Variants in LGR4 observed in about 807,000 individuals in gnomAD.
LGR4 encodes the protein leucine-rich repeat-containing G protein-coupled receptor 4.
LGR4 carries 44 observed loss-of-function variants against 84.8 expected under a neutral mutation model. That is an observed-to-expected ratio of 0.52 (90% confidence interval 0.41 to 0.67). LGR4 has a LOEUF of 0.67. Ranked by LOEUF, LGR4 falls within the 30% of genes least tolerant of loss-of-function variation. The probability of loss-of-function intolerance (pLI) is 0.00; values close to 1 mark genes in which losing one functional copy is unlikely to be tolerated. For synonymous variants in LGR4, 429 were observed against 434.3 expected (o/e 0.99, Z 0.15); for missense variants, 1,032 against 1,131.4 (o/e 0.91, Z 1.26).
chr11:27,462,840 GGATGTCTT>G (rs1565101638), intron 1 of LGR4, among the ~76,000 whole-genome samples: 1 of 151,616 alleles, frequency 6.6e-6, no homozygotes. Context: ...TCCTGAACTC[GGATGTCTT>G]CATTTCCTGT....
At chr11:27,408,180 G>A (rs1431985854) in intron 2 of LGR4, among the ~76,000 whole-genome samples, 1 of 151,968 alleles carries the variant, frequency 6.6e-6, no homozygotes, top group Non-Finnish European at 1.5e-5. Context: ...ACCCACCCCT[G>A]TTTTTATTTG....
chr11:27,468,948 TG>T (rs1313027986), intron 1 of LGR4, among the ~76,000 whole-genome samples: 2 of 152,184 alleles, frequency 1.3e-5, no homozygotes, highest in Non-Finnish European at 2.9e-5. Flanking sequence ...CCCCTCCCCA[TG>T]ACTTCATCTC....
At position 27,368,987 on chromosome 11, in the gene LGR4, A is replaced by G. The variant is rs1183821953; in HGVS notation, c.1736T>C (p.Leu579Ser). 32 of 1,614,012 alleles carry G rather than the reference A, an allele frequency of 2.0e-5. No individual in the cohort carries two copies. Among genetic ancestry groups the G allele is most frequent in the Non-Finnish European group, 2.7e-5 (32 of 1,179,998 alleles). The change falls in exon 18 of 18, where the codon TTG (leucine) becomes TCG (serine). Residue 579 changes from leucine (L) to serine (S), a missense_variant. Leu to Ser is a moderately radical substitution (Grantham distance 145). Coordinates refer to ENST00000379214, the MANE Select transcript of LGR4 (RefSeq NM_018490.5). ...CATGAATAAGTTAGACACAGAAATC[A>G]AGCCTATAAACAATTTGGACGAAGG... is the stretch of plus-strand genomic sequence containing the variant. ...SLPSSKLFIGLISVSNLFMGI... is the reference protein window; with the variant it reads ...SLPSSKLFIGSISVSNLFMGI...
At chr11:27,393,179 T>C (rs1439909909) in intron 2 of LGR4, among the ~76,000 whole-genome samples, 2 of 152,186 alleles carry the variant, frequency 1.3e-5, no homozygotes, top group Non-Finnish European at 2.9e-5. Flanking sequence ...ACCCAATTCA[T>C]ACTGAGCCCT....
chr11:27,470,001 G>A (rs1390188299), intron 1 of LGR4, among the ~76,000 whole-genome samples: 1 of 152,146 alleles, frequency 6.6e-6, no homozygotes, highest in African/African-American at 2.4e-5. Context: ...AACCCTTTTA[G>A]AGAGGGTGGT....
At chr11:27,402,608 A>G (rs1379499939) in intron 2 of LGR4, among the ~76,000 whole-genome samples, 1 of 152,182 alleles carries the variant, frequency 6.6e-6, no homozygotes, top group Non-Finnish European at 1.5e-5. Flanking sequence ...TTTCTTACCT[A>G]GTAATAAAGT....
At chr11:27,404,501 C>T (rs948542890) in intron 2 of LGR4, among the ~76,000 whole-genome samples, 3 of 152,184 alleles carry the variant, frequency 2.0e-5, no homozygotes, top group Non-Finnish European at 4.4e-5. Context: ...CCACAGTATG[C>T]CTAGTCCCTA....
chr11:27,382,129 A>T (rs1287589991), intron 7 of LGR4, 59 bp downstream of exon 7: 1 of 1,099,060 alleles, frequency 9.1e-7, no homozygotes, highest in East Asian at 2.4e-5. Flanking sequence ...CCATTGTTGG[A>T]ACATTAAATG....
intron 17 of LGR4, among the ~76,000 whole-genome samples, chr11:27,370,696 G>A (rs1043414667): frequency 1.3e-5 from 2 of 152,170 alleles, no homozygotes; most frequent in Admixed American, 6.5e-5. Flanking sequence ...GGAAGAAATG[G>A]AAACGCTGCA....
intron 5 of LGR4, 89 bp from the exon 6 acceptor site, chr11:27,384,496 G>T: frequency 1.1e-6 from 1 of 902,576 alleles, no homozygotes; most frequent in Non-Finnish European, 1.8e-6. Context: ...GGTGTGTAAA[G>T]GAATGATGTA....
chr11:27,434,152 ACTTCACATATTC>A (rs1174835700), intron 1 of LGR4, among the ~76,000 whole-genome samples: 53 of 152,366 alleles, frequency 3.5e-4, no homozygotes, highest in African/African-American at 1.2e-3. Flanking sequence ...AAACATAGAA[ACTTCACATATTC>A]AGCCTCCAAA....
At chr11:27,414,251 A>C (rs958815451) in intron 1 of LGR4, among the ~76,000 whole-genome samples, 1 of 152,106 alleles carries the variant, frequency 6.6e-6, no homozygotes, top group Admixed American at 6.6e-5. Flanking sequence ...CCTGTTATTA[A>C]TACTTCTCTC....
chr11:27,395,346 T>G (rs1863369247), intron 2 of LGR4, among the ~76,000 whole-genome samples: 2 of 150,576 alleles, frequency 1.3e-5, no homozygotes. Flanking sequence ...CCTATTGTGC[T>G]GGGCTCATAA....
intron 1 of LGR4, among the ~76,000 whole-genome samples, chr11:27,448,947 AC>A (rs1864437162): frequency 6.6e-6 from 1 of 152,178 alleles, no homozygotes; most frequent in Non-Finnish European, 1.5e-5. Context: ...AACATAATAA[AC>A]ACATACTATA....
At chr11:27,465,607 A>G (rs1323074486) in intron 1 of LGR4, among the ~76,000 whole-genome samples, 1 of 152,232 alleles carries the variant, frequency 6.6e-6, no homozygotes, top group Non-Finnish European at 1.5e-5. Context: ...TTGCAATTTA[A>G]AAGAGGTGTT....
chr11:27,380,830 TTTGGCA>T, intron 8 of LGR4, 59 bp downstream of exon 8: 1 of 1,197,130 alleles, frequency 8.4e-7, no homozygotes, highest in Non-Finnish European at 1.2e-6. Flanking sequence ...TATCAGGGTG[TTTGGCA>T]TTGTACGGAC....
chr11:27,400,219 T>C (rs1347825597), intron 2 of LGR4, among the ~76,000 whole-genome samples: 2 of 152,160 alleles, frequency 1.3e-5, no homozygotes, highest in African/African-American at 4.8e-5. Context: ...TGAAAAAATC[T>C]GAAATACAAA....
chr11:27,369,229 A>G (rs1196719638), intron 17 of LGR4, 86 bp from the exon 18 acceptor site: 8 of 1,043,630 alleles, frequency 7.7e-6, no homozygotes, highest in Non-Finnish European at 1.1e-5. Context: ...AGAAAAACTA[A>G]TGATATAGAC....
chr11:27,409,921 C>T (rs1311623337), intron 2 of LGR4, among the ~76,000 whole-genome samples: 1 of 152,108 alleles, frequency 6.6e-6, no homozygotes, highest in Non-Finnish European at 1.5e-5. Context: ...CACACGTCTT[C>T]ACTATGATGC....
Sources: gnomAD v4.1 joint callset for allele counts (sites outside exome capture counted in the v4.1 genomes callset) on GRCh38, gnomAD v4.1.1 for gene constraint, MANE v1.5 for transcripts, NCBI Gene and HGNC (gene_info 2026-07-23, HGNC 2026-07-21) for gene names.